Variants in SMOC1 observed in about 807,000 individuals in gnomAD.
SMOC1 encodes SPARC related modular calcium binding 1.
In SMOC1, 22 loss-of-function variants were observed where a neutral mutation model predicts 56.3. That is an observed-to-expected ratio of 0.39 (90% confidence interval 0.28 to 0.56). The LOEUF is 0.56. Ranked by LOEUF, SMOC1 falls within the 20% of genes least tolerant of loss-of-function variation. The pLI is 0.61. For synonymous variants in SMOC1, 193 were observed against 215.0 expected, an observed-to-expected ratio of 0.90 and a Z score of 0.89; for missense variants, 509 against 565.4, an observed-to-expected ratio of 0.90 and a Z score of 1.01.
At chr14:69,981,692 A>G (rs1284003191) in intron 5 of SMOC1, among the ~76,000 whole-genome samples, 1 of 152,182 alleles carries the variant, frequency 6.6e-6, no homozygotes, top group East Asian at 1.9e-4. Flanking sequence ...ATAGAGGTAA[A>G]GTTTTGGTTT....
intron 5 of SMOC1, among the ~76,000 whole-genome samples, chr14:69,991,021 C>G (rs1026450040): frequency 6.6e-6 from 1 of 152,166 alleles, no homozygotes; most frequent in African/African-American, 2.4e-5. Context: ...TTCTCTCTCC[C>G]TCCCCCAATA....
intron 1 of SMOC1, among the ~76,000 whole-genome samples, chr14:69,891,638 C>A (rs1169327571): frequency 9.9e-5 from 15 of 152,164 alleles, no homozygotes; most frequent in African/African-American, 3.6e-4. Flanking sequence ...TTCTCCCGGC[C>A]TGTGCCTGCC....
In SMOC1 at chr14:69,948,819, C is replaced by T. The variant is rs1470432798; in HGVS notation, c.100-3319C>T. On this transcript the variant is annotated intron_variant, in intron 1 of 11. Transcript: ENST00000361956. ...ATGAGGCAAGGCTTGTTACTACTCT[C>T]ATTTTACGGATGAGAAAACTAAAAG... is the stretch of plus-strand genomic sequence containing the variant. Among the ~76,000 whole-genome samples, 4 of 152,152 alleles carry T rather than the reference C, an allele frequency of 2.6e-5. No homozygotes were observed. In the East Asian group the frequency reaches 7.7e-4, roughly 29 times the overall value.
intron 1 of SMOC1, among the ~76,000 whole-genome samples, chr14:69,924,728 G>A (rs540447425): frequency 4.7e-4 from 40 of 84,884 alleles, no homozygotes; most frequent in Non-Finnish European, 5.9e-4. Flanking sequence ...GGTAGGGGAG[G>A]AGGAGAGGTA....
At chr14:69,990,425 T>A (rs775038560) in intron 5 of SMOC1, among the ~76,000 whole-genome samples, 2 of 152,206 alleles carry the variant, frequency 1.3e-5, no homozygotes, top group African/African-American at 4.8e-5. Flanking sequence ...TTTTTCACTT[T>A]CCCTTTGTTA....
chr14:69,913,353 G>C (rs1291302), intron 1 of SMOC1, among the ~76,000 whole-genome samples: 1 of 151,972 alleles, frequency 6.6e-6, no homozygotes, highest in African/African-American at 2.4e-5. Context: ...GACAAAATAA[G>C]CAAAATATGA....
chr14:69,934,667 T>C (rs1421085562), intron 1 of SMOC1, among the ~76,000 whole-genome samples: 2 of 152,216 alleles, frequency 1.3e-5, no homozygotes, highest in African/African-American at 4.8e-5. Flanking sequence ...AATGTGGTGG[T>C]AGGATCTTAG....
At chr14:69,919,411 C>A (rs1884772567) in intron 1 of SMOC1, among the ~76,000 whole-genome samples, 1 of 152,166 alleles carries the variant, frequency 6.6e-6, no homozygotes, top group South Asian at 2.1e-4. Flanking sequence ...CCACATACAC[C>A]CTGAACCTTT....
chr14:69,920,950 C>T (rs1406599934), intron 1 of SMOC1, among the ~76,000 whole-genome samples: 6 of 152,160 alleles, frequency 3.9e-5, no homozygotes, highest in Non-Finnish European at 8.8e-5. Context: ...ATGGGGAACC[C>T]TGCTCTGTGC....
intron 1 of SMOC1, among the ~76,000 whole-genome samples, chr14:69,906,732 A>G (rs983922966): frequency 3.3e-5 from 5 of 152,252 alleles, no homozygotes; most frequent in Non-Finnish European, 7.3e-5. Flanking sequence ...CAGGACAGTG[A>G]ACACCTAAGA....
intron 3 of SMOC1, among the ~76,000 whole-genome samples, chr14:69,968,610 T>G (rs1883653417): frequency 6.6e-6 from 1 of 152,202 alleles, no homozygotes; most frequent in South Asian, 2.1e-4. Flanking sequence ...ATGTTTAAAT[T>G]TCACTGTGCA....
chr14:69,985,409 A>G (rs1884330492), intron 5 of SMOC1, among the ~76,000 whole-genome samples: 1 of 152,186 alleles, frequency 6.6e-6, no homozygotes, highest in Non-Finnish European at 1.5e-5. Flanking sequence ...TATTCCAGAG[A>G]AATGAAAATT....
At chr14:69,946,766 G>C (rs991522932) in intron 1 of SMOC1, among the ~76,000 whole-genome samples, 2 of 152,210 alleles carry the variant, frequency 1.3e-5, no homozygotes, top group African/African-American at 4.8e-5. Flanking sequence ...ATCTCATGTT[G>C]AAATGTAATC....
chr14:69,900,490 C>A (rs1884215550), intron 1 of SMOC1, among the ~76,000 whole-genome samples: 3 of 152,206 alleles, frequency 2.0e-5, no homozygotes. Context: ...TAACACTTAT[C>A]TGGCTCTTCT....
At chr14:70,000,836 T>C (rs1322712572) in intron 7 of SMOC1, among the ~76,000 whole-genome samples, 1 of 152,192 alleles carries the variant, frequency 6.6e-6, no homozygotes, top group African/African-American at 2.4e-5. Context: ...TCCTCACCCA[T>C]GACACTTCAT....
At chr14:69,910,425 C>A (rs1884526809) in intron 1 of SMOC1, among the ~76,000 whole-genome samples, 1 of 152,160 alleles carries the variant, frequency 6.6e-6, no homozygotes, top group African/African-American at 2.4e-5. Context: ...GGGAAGAAAC[C>A]TTTCTGGACA....
chr14:69,908,096 G>C (rs956114030), intron 1 of SMOC1, among the ~76,000 whole-genome samples: 1 of 152,210 alleles, frequency 6.6e-6, no homozygotes, highest in African/African-American at 2.4e-5. Flanking sequence ...TATAAAAATG[G>C]TGTTGTGTTT....
At chr14:69,946,658 C>T (rs973253219) in intron 1 of SMOC1, among the ~76,000 whole-genome samples, 1 of 152,170 alleles carries the variant, frequency 6.6e-6, no homozygotes, top group African/African-American at 2.4e-5. Flanking sequence ...CGTGATTGCT[C>T]CTGAGCGACT....
At chr14:69,968,762 T>C (rs1375159551) in intron 3 of SMOC1, among the ~76,000 whole-genome samples, 2 of 152,252 alleles carry the variant, frequency 1.3e-5, no homozygotes, top group African/African-American at 4.8e-5. Context: ...CTTTTTCCAC[T>C]AGGAAATGTT....
Sources: gnomAD v4.1 joint callset for allele counts (sites outside exome capture counted in the v4.1 genomes callset) on GRCh38, gnomAD v4.1.1 for gene constraint, MANE v1.5 for transcripts, NCBI Gene and HGNC (gene_info 2026-07-23, HGNC 2026-07-21) for gene names.